The following CRACD variants were observed in gnomAD, a reference collection of about 807,000 sequenced individuals.
CRACD encodes capping protein inhibiting regulator of actin dynamics.
A neutral mutation model predicts 106.8 loss-of-function variants in CRACD; 56 were observed. The observed-to-expected ratio is 0.52, with a 90% CI of 0.42 to 0.66. The LOEUF (loss-of-function observed/expected upper bound fraction) is 0.66. Among genes scored for constraint, CRACD ranks in the 30% least tolerant of loss-of-function variants. The probability of loss-of-function intolerance (pLI) is 0.00; values close to 1 mark genes in which losing one functional copy is unlikely to be tolerated. For synonymous variants in CRACD, 754 were observed against 670.8 expected (o/e 1.12, Z -1.92); for missense variants, 1,730 against 1,623.2 (o/e 1.07, Z -1.13).
At chr4:56,175,835 G>C (rs1394937803) in intron 1 of CRACD, among the ~76,000 whole-genome samples, 1 of 152,264 alleles carries the variant, frequency 6.6e-6, no homozygotes, top group East Asian at 1.9e-4. Context: ...TGCCTTTGAG[G>C]TCTTACTCAA....
intron 1 of CRACD, among the ~76,000 whole-genome samples, chr4:56,119,789 G>C (rs1402989730): frequency 5.9e-5 from 9 of 152,100 alleles, no homozygotes; most frequent in Non-Finnish European, 2.9e-5. Context: ...CTTGCAGATA[G>C]TTGTCCCAGA....
At chr4:56,318,504 T>G (rs1274302175) in intron 8 of CRACD, among the ~76,000 whole-genome samples, 1 of 152,202 alleles carries the variant, frequency 6.6e-6, no homozygotes, top group Non-Finnish European at 1.5e-5. Context: ...GTCACTTGCC[T>G]TCTCCAAAGA....
At chr4:56,285,043 C>T (rs1477647849) in intron 3 of CRACD, among the ~76,000 whole-genome samples, 1 of 152,086 alleles carries the variant, frequency 6.6e-6, no homozygotes, top group African/African-American at 2.4e-5. Context: ...GGTTGGGAGG[C>T]CTCAGGAAAC....
chr4:56,104,625 G>A (rs895337055), intron 1 of CRACD, among the ~76,000 whole-genome samples: 4 of 152,138 alleles, frequency 2.6e-5, no homozygotes, highest in Non-Finnish European at 2.9e-5. Context: ...TGTGCTCCAC[G>A]AGCTCTGTGC....
At chr4:56,286,779 T>C (rs1374799141) in intron 3 of CRACD, among the ~76,000 whole-genome samples, 2 of 152,118 alleles carry the variant, frequency 1.3e-5, no homozygotes, top group Admixed American at 6.5e-5. Flanking sequence ...ACTGCTGCCG[T>C]GGTCAGGGTG....
At chr4:56,089,509 ATTT>A (rs761380094) in intron 1 of CRACD, among the ~76,000 whole-genome samples, 2 of 124,286 alleles carry the variant, frequency 1.6e-5, no homozygotes. Context: ...GTATTATAGG[ATTT>A]TTTTTTTTTT....
chr4:56,052,999 T>A (rs1731925787), intron 1 of CRACD, among the ~76,000 whole-genome samples: 1 of 152,218 alleles, frequency 6.6e-6, no homozygotes. Flanking sequence ...CTTTCTGGCT[T>A]TAGCTGGTCT....
At chr4:56,212,701 T>G (rs746768367) in intron 2 of CRACD, among the ~76,000 whole-genome samples, 17 of 152,004 alleles carry the variant, frequency 1.1e-4, no homozygotes, top group Non-Finnish European at 2.1e-4. Flanking sequence ...CCTACCAAAG[T>G]ACACACAAAA....
intron 1 of CRACD, among the ~76,000 whole-genome samples, chr4:56,138,236 G>A (rs1735072310): frequency 6.6e-6 from 1 of 152,124 alleles, no homozygotes; most frequent in Non-Finnish European, 1.5e-5. Flanking sequence ...GGCTGAGGTG[G>A]ATGGATTGCT....
At chr4:56,327,580 A>G in intron 10 of CRACD, 64 bp from the exon 11 acceptor site, 1 of 1,466,136 alleles carries the variant, frequency 6.8e-7, no homozygotes, top group Non-Finnish European at 9.4e-7. Flanking sequence ...TCTGTTAATT[A>G]AAAAGAAAAT....
chr4:56,089,835 A>G lies in CRACD; in HGVS notation c.-336+40536A>G, dbSNP rs556361335. Among the ~76,000 whole-genome samples the G allele has an allele frequency of 2.6e-5, 4 of 152,224 alleles. No individual in the cohort carries two copies. In the South Asian group the frequency reaches 8.3e-4, roughly 32 times the overall value. On this transcript the variant is annotated intron_variant, in intron 1 of 10. Transcript: ENST00000682029. ...GCTATAGGATTTTATGGTCTGTGACACTAGGTTCCCGACTGAATTGTTCCA... is the reference window on the plus strand; with the variant it reads ...GCTATAGGATTTTATGGTCTGTGACGCTAGGTTCCCGACTGAATTGTTCCA...
At chr4:56,060,086 G>C (rs1179184226) in intron 1 of CRACD, among the ~76,000 whole-genome samples, 1 of 152,140 alleles carries the variant, frequency 6.6e-6, no homozygotes, top group East Asian at 1.9e-4. Context: ...CTGATTTCAT[G>C]GGCTGCCATG....
chr4:56,315,137 G>A lies in CRACD; in HGVS notation c.1635G>A (p.Gly545=), dbSNP rs771469933. Residue 545 remains glycine (G), a synonymous_variant, in exon 8 of 11, where the codon GGG becomes GGA. Coordinates refer to ENST00000682029, the MANE Select transcript of CRACD (RefSeq NM_001393381.1). This position sits in a 1 kb window ranked among gnomAD's most constrained non-coding sequence, Gnocchi z 4.1. ...ACACGTTCCAGGTGTCCTCCGGAGG[G>A]AAGCAGATTCTCTTTCCCAAAGTCA... ...RPYTFQVSSG[G]KQILFPKVNL... is the part of the protein sequence containing the mutation. 8 of 1,609,008 alleles carry A rather than the reference G, an allele frequency of 5.0e-6. No homozygotes were observed. In the South Asian group the frequency reaches 8.9e-5, roughly 18 times the overall value.
chr4:56,127,479 A>G (rs958428739), intron 1 of CRACD, among the ~76,000 whole-genome samples: 3 of 152,196 alleles, frequency 2.0e-5, no homozygotes, highest in Admixed American at 1.3e-4. Context: ...CCAGTTTAAA[A>G]AGGATAAATT....
intron 2 of CRACD, among the ~76,000 whole-genome samples, chr4:56,203,881 A>G (rs1168456031): frequency 1.3e-5 from 2 of 152,216 alleles, no homozygotes; most frequent in Non-Finnish European, 2.9e-5. Flanking sequence ...GAGTTCATCT[A>G]GTACCTGCCT....
At chr4:56,097,980 A>G (rs1560450117) in intron 1 of CRACD, among the ~76,000 whole-genome samples, 1 of 152,238 alleles carries the variant, frequency 6.6e-6, no homozygotes, top group Non-Finnish European at 1.5e-5. Context: ...AGAATGAAAA[A>G]AAAATTGGTA....
At chr4:56,186,050 A>T (rs896996672) in intron 2 of CRACD, among the ~76,000 whole-genome samples, 1 of 152,170 alleles carries the variant, frequency 6.6e-6, no homozygotes, top group Non-Finnish European at 1.5e-5. Context: ...GGGCTCTGGG[A>T]TGCAGACAGC....
Position 56,314,910 on chromosome 4 carries a change from G to C in CRACD, c.1408G>C (p.Asp470His). 1.2e-6 allele frequency: 2 copies of C among 1,607,756 alleles called. No individual in the cohort carries two copies. The highest frequency in any genetic ancestry group is 8.5e-7 in the Non-Finnish European group (1 of 1,178,042). The change falls in exon 8 of 11, where the codon GAT becomes CAT. Residue 470 changes from aspartate (D) to histidine (H), a missense_variant. This residue lies in a region of CRACD where 1,620 missense variants were observed against 1,481.6 expected (regional missense o/e 1.09). Transcript: ENST00000682029. The surrounding 1 kb of genome is among the most constrained non-coding windows in gnomAD (Gnocchi z 4.4). ...AAGAGAGCAGCAGGGAAGGAGCGGG[G>C]ATTTCCAGGGGGCCGATCGTCCTGG... ...RRREQQGRSG[D>H]FQGADRPGPE... is the part of the protein sequence containing the mutation.
At chr4:56,270,315 C>T (rs374635697) in intron 2 of CRACD, among the ~76,000 whole-genome samples, 7 of 151,964 alleles carry the variant, frequency 4.6e-5, no homozygotes, top group African/African-American at 7.3e-5. Flanking sequence ...CTCAGCCTCC[C>T]GAGTAACTGA....
Sources: allele counts gnomAD v4.1 joint callset (sites outside exome capture counted in the v4.1 genomes callset), GRCh38; gene constraint gnomAD v4.1.1; regional missense constraint gnomAD v4.1.1; non-coding constraint Gnocchi (gnomAD v3.1); transcripts MANE v1.5; gene names NCBI Gene and HGNC (gene_info 2026-07-23, HGNC 2026-07-21).